Variants in CEP104 observed in about 807,000 individuals in gnomAD.
The protein encoded by CEP104 is centrosomal protein 104.
CEP104 carries 84 observed loss-of-function variants against 113.3 expected under a neutral mutation model. The ratio of observed to expected loss-of-function variants is 0.74; its 90% confidence interval spans 0.62 to 0.89. The LOEUF is 0.89. Among genes scored for constraint, CEP104 ranks in the 40% least tolerant of loss-of-function variants. The pLI is 0.00. For synonymous variants in CEP104, 378 were observed against 421.7 expected (o/e 0.90, Z 1.27); for missense variants, 1,053 against 1,156.6 (o/e 0.91, Z 1.30).
chr1:3,847,704 GTTTA>G, intron 3 of CEP104, 91 bp from the exon 4 acceptor site: 8 of 1,336,992 alleles, frequency 6.0e-6, no homozygotes, highest in Non-Finnish European at 7.4e-6. Flanking sequence ...GCTCATTTAT[GTTTA>G]TTGTTTTATT....
intron 3 of CEP104, 70 bp downstream of exon 3, chr1:3,848,529 CTCAAAAAAA>C: frequency 1.3e-6 from 1 of 794,782 alleles, no homozygotes; most frequent in Non-Finnish European, 1.9e-6. Context: ...GAGACTCCAT[CTCAAAAAAA>C]AAAAAAAAAG....
rs143705438 is a variant in CEP104 at position 3,852,398 on chromosome 1, T to C, written c.10A>G (p.Lys4Glu). The C allele has an allele frequency of 3.7e-6, 6 of 1,613,708 alleles. No individual in the cohort carries two copies. Among genetic ancestry groups the C allele is most frequent in the African/African-American group, 2.7e-5 (2 of 74,918 alleles). The change falls in exon 2 of 22, where the codon AAG becomes GAG. Residue 4 changes from lysine (K) to glutamate (E), a missense_variant. Physicochemically the swap from Lys to Glu is moderately conservative, Grantham distance 56. Coordinates refer to ENST00000378230, the MANE Select transcript of CEP104 (RefSeq NM_014704.4). The stretch of plus-strand genomic sequence containing the variant: ...GAGCTGACGACTACAAATCCAATCT[T>C]GTGGGGCATTCTGCACGTTTGGGCT... MPH[K>E]IGFVVVSSSG...
rs992088259 is a variant in CEP104, at chr1:3,834,184, T to C, written c.1486-149A>G. On this transcript the variant is annotated intron_variant, in intron 11 of 21. Transcript: ENST00000378230. ...CTGAAAATTGCAAACTGAAAACTGC[T>C]TTCTAAACACAGCACCTTGCATATA... 9.2e-6 allele frequency: 6 copies of C among 650,648 alleles called. No homozygotes were observed. In the African/African-American group the frequency reaches 1.1e-4, roughly 12 times the overall value. 40.3% of individuals were successfully genotyped at this position (650,648 alleles called of 1,614,324 possible).
intron 15 of CEP104, among the ~76,000 whole-genome samples, chr1:3,827,474 C>A (rs1644113877): frequency 6.6e-6 from 1 of 152,146 alleles, no homozygotes; most frequent in Admixed American, 6.5e-5. Context: ...CCTGCCTCGG[C>A]CTCCCAAAGT....
In CEP104 at chr1:3,823,989, C is replaced by G. The variant is rs56366252; in HGVS notation, c.2365-427G>C. On this transcript the variant is annotated intron_variant, in intron 18 of 21. Coordinates refer to ENST00000378230, the MANE Select transcript of CEP104 (RefSeq NM_014704.4). The surrounding 1 kb of genome is among the most constrained non-coding windows in gnomAD (Gnocchi z 4.1). ...TCTCTCGCTACGTTGGTGTCTCTGG[C>G]AGGAATGACTTGTATATACTCTATA... Among the ~76,000 whole-genome samples, 5,494 of 152,306 alleles carry G rather than the reference C, an allele frequency of 0.036. 361 individuals are homozygous for G. Among genetic ancestry groups the G allele is most frequent in the African/African-American group, 0.13 (5,202 of 41,544 alleles).
Position 3,825,859 on chromosome 1 carries a change from T to C in CEP104, c.2263A>G (p.Ile755Val), listed in dbSNP as rs760664863. The C allele has an allele frequency of 1.2e-6, 2 of 1,610,076 alleles. No homozygotes were observed. The highest frequency in any genetic ancestry group is 2.7e-5 in the African/African-American group (2 of 74,808). The change falls in exon 18 of 22, where the codon ATT (isoleucine) becomes GTT (valine). Residue 755 changes from isoleucine to valine, a missense_variant. By Grantham distance (29) the Ile-to-Val change is conservative. Coordinates refer to ENST00000378230, the MANE Select transcript of CEP104 (RefSeq NM_014704.4). ...PDEHYLDNLCIFCGERSESFT... is the reference protein window; with the variant it reads ...PDEHYLDNLCVFCGERSESFT... ...GATTCACTCCTTTCCCCACAAAAAA[T>C]ACACAAACTGAAAGCAAAGCAAAGC...
intron 20 of CEP104, among the ~76,000 whole-genome samples, chr1:3,820,680 C>T (rs999598534): frequency 1.3e-5 from 2 of 152,226 alleles, no homozygotes; most frequent in Non-Finnish European, 2.9e-5. Context: ...GGTGGCACTG[C>T]TAGCCAGGGC....
At chr1:3,830,880 C>G (rs981655658) in intron 13 of CEP104, among the ~76,000 whole-genome samples, 166 bp downstream of exon 13, 1 of 152,086 alleles carries the variant, frequency 6.6e-6, no homozygotes, top group Non-Finnish European at 1.5e-5. Flanking sequence ...GATTAGACAG[C>G]AGGACGCATG....
intron 8 of CEP104, 55 bp downstream of exon 8, chr1:3,838,909 T>G (rs1570817325): frequency 6.3e-7 from 1 of 1,589,654 alleles, no homozygotes; most frequent in East Asian, 2.2e-5. Flanking sequence ...AACCACACAG[T>G]TGAATCTCTG....
At chr1:3,840,260 G>A (rs991604845) in intron 6 of CEP104, among the ~76,000 whole-genome samples, 4 of 151,982 alleles carry the variant, frequency 2.6e-5, no homozygotes, top group African/African-American at 7.3e-5. Flanking sequence ...TTTCGGAGGC[G>A]GAGTCTCACT....
intron 13 of CEP104, among the ~76,000 whole-genome samples, chr1:3,830,805 A>G (rs1644190681): frequency 6.6e-6 from 1 of 151,690 alleles, no homozygotes; most frequent in Non-Finnish European, 1.5e-5. Context: ...AGACAAAGAA[A>G]TATTTTTTAT....
rs1245686794 is a variant in CEP104, at chr1:3,812,753, T to A, written c.*2649A>T. 1 of 152,050 alleles carries A rather than the reference T, an allele frequency of 6.6e-6. No individual in the cohort carries two copies. The highest frequency in any genetic ancestry group is 1.5e-5 in the Non-Finnish European group (1 of 68,018). The allele number at this position is 152,050 out of a possible 1,614,324, so 9.4% of individuals were successfully genotyped here. Reference sequence around the variant, plus strand: ...TACTCGGGAGGCTGAGGCAGGAGAATTGCTCGAACCCGGGAGGCGGAGGTT... The same window carrying A: ...TACTCGGGAGGCTGAGGCAGGAGAAATGCTCGAACCCGGGAGGCGGAGGTT... On this transcript the variant is annotated 3_prime_UTR_variant, in exon 22 of 22. Transcript: ENST00000378230.
At chr1:3,816,450 G>A (rs759115689) in intron 20 of CEP104, 80 bp from the exon 21 acceptor site, 3 of 1,217,484 alleles carry the variant, frequency 2.5e-6, no homozygotes, top group Non-Finnish European at 3.4e-6. Flanking sequence ...AGGACTCGCT[G>A]TGTAAGCTGA....
At chr1:3,853,399 T>C (rs1177932062) in intron 1 of CEP104, among the ~76,000 whole-genome samples, 4 of 137,722 alleles carry the variant, frequency 2.9e-5, no homozygotes, top group African/African-American at 8.2e-5. Context: ...GTCTAAATCA[T>C]CGGGGGAAAA....
At chr1:3,824,877 CGGCAGTGGCACCGTGGGAAGGG>C (rs1557663644) in intron 18 of CEP104, among the ~76,000 whole-genome samples, 15 of 104,752 alleles carry the variant, frequency 1.4e-4, no homozygotes, top group East Asian at 8.5e-4. Context: ...GTGGGAAGGG[CGGCAGTGGCACCGTGGGAAGGG>C]GGCAGTGGCA....
chr1:3,830,160 C>T (rs139842842), intron 13 of CEP104, among the ~76,000 whole-genome samples, 163 bp from the exon 14 acceptor site: 2 of 152,206 alleles, frequency 1.3e-5, no homozygotes, highest in African/African-American at 4.8e-5. Context: ...TCTACCGTCT[C>T]ATCGTAAGCC....
chr1:3,822,187 G>T (rs1159179167), intron 20 of CEP104, among the ~76,000 whole-genome samples: 1 of 152,140 alleles, frequency 6.6e-6, no homozygotes, highest in African/African-American at 2.4e-5. Context: ...TCACTTTTCT[G>T]TGTACTCTGT....
Position 3,815,117 on chromosome 1 carries a change from C to G in CEP104, c.*285G>C. On this transcript the variant is annotated 3_prime_UTR_variant, in exon 22 of 22. Coordinates refer to ENST00000378230, the MANE Select transcript of CEP104 (RefSeq NM_014704.4). ...GCGGTGCTCTCTGGCTCTCTCCAAA[C>G]AGGACGCTTCCTTCTCTGATTCTAA... 1 of 419,784 alleles carries G rather than the reference C, an allele frequency of 2.4e-6. No individual in the cohort carries two copies. Among genetic ancestry groups the G allele is most frequent in the East Asian group, 4.9e-5 (1 of 20,572 alleles). The allele number at this position is 419,784 out of a possible 1,614,324, so 26.0% of individuals were successfully genotyped here.
At chr1:3,822,214 TGAGA>T (rs61301856) in intron 20 of CEP104, among the ~76,000 whole-genome samples, 4 of 151,818 alleles carry the variant, frequency 2.6e-5, no homozygotes, top group African/African-American at 4.8e-5. Context: ...TTTCAAACTC[TGAGA>T]GAGAGAGAGA....
Sources: allele counts gnomAD v4.1 joint callset (sites outside exome capture counted in the v4.1 genomes callset), GRCh38; gene constraint gnomAD v4.1.1; non-coding constraint Gnocchi (gnomAD v3.1); transcripts MANE v1.5; gene names NCBI Gene and HGNC (gene_info 2026-07-23, HGNC 2026-07-21).